The following EIF3H variants were observed in gnomAD, a reference collection of about 807,000 sequenced individuals.
The protein encoded by EIF3H is eIF-3-gamma.
Under a neutral mutation model 44.2 loss-of-function variants are expected in EIF3H, and 26 were observed. The ratio of observed to expected loss-of-function variants is 0.59; its 90% CI spans 0.43 to 0.82. The LOEUF (loss-of-function observed/expected upper bound fraction) is 0.82, where lower values mean the gene tolerates loss of function less well. Among genes scored for constraint, EIF3H ranks in the 40% least tolerant of loss-of-function variants. EIF3H has a pLI of 0.00. For missense variants in EIF3H, 359 were observed against 432.8 expected (o/e 0.83, Z 1.51); for synonymous variants, 166 against 151.9 (o/e 1.09, Z -0.68).
chr8:116,695,783 G>T (rs1220699271), intron 2 of EIF3H, among the ~76,000 whole-genome samples: 1 of 152,134 alleles, frequency 6.6e-6, no homozygotes, highest in Non-Finnish European at 1.5e-5. Context: ...ACAGGAAAAG[G>T]CTTGGGAGCA....
chr8:116,723,212 T>G (rs1814780916), intron 2 of EIF3H, among the ~76,000 whole-genome samples: 1 of 152,174 alleles, frequency 6.6e-6, no homozygotes, highest in Non-Finnish European at 1.5e-5. Flanking sequence ...CTTAAACCTC[T>G]CAAGCTCCTC....
chr8:116,646,512 G>A lies in EIF3H; in HGVS notation c.920C>T (p.Pro307Leu). ...PEEDLSKLFKPPQPPARMDSL... is the reference protein window; with the variant it reads ...PEEDLSKLFKLPQPPARMDSL... ...GTCCATCCTGGCAGGCGGCTGTGGT[G>A]GTTTGAAGAGTTTGGACAGGTCCTC... Residue 307 changes from proline to leucine, a missense_variant, in exon 7 of 8, where the codon CCA becomes CTA. Physicochemically the swap from Pro to Leu is moderately conservative, Grantham distance 98. Transcript: ENST00000521861. 6.2e-7 allele frequency: 1 copy of A among 1,614,170 alleles called. No individual in the cohort carries two copies. The highest frequency in any genetic ancestry group is 1.1e-5 in the South Asian group (1 of 91,076).
intron 1 of EIF3H, among the ~76,000 whole-genome samples, chr8:116,741,500 G>C (rs945076817): frequency 2.6e-5 from 4 of 152,124 alleles, no homozygotes; most frequent in Non-Finnish European, 5.9e-5. Flanking sequence ...CATCATTAAA[G>C]ACAAAGTACA....
chr8:116,642,916 C>G lies in EIF3H; in HGVS notation c.*2090G>C, dbSNP rs1013964918. The G allele has an allele frequency of 6.6e-6, 1 of 152,144 alleles. No individual in the cohort carries two copies. Among genetic ancestry groups the G allele is most frequent in the Admixed American group, 6.5e-5 (1 of 15,274 alleles). 9.4% of individuals were successfully genotyped at this position (152,144 alleles called of 1,614,324 possible). A position where few individuals can be genotyped will look rare whatever the true frequency, so the allele number is the denominator to read the frequency against. ...TTTCATTAAGTGTGTATTCATGTTACCAAGATATAGAAATCTAAACAATCA... is the reference window on the plus strand; with the variant it reads ...TTTCATTAAGTGTGTATTCATGTTAGCAAGATATAGAAATCTAAACAATCA... On this transcript the variant is annotated 3_prime_UTR_variant, in exon 8 of 8. Coordinates refer to ENST00000521861, the MANE Select transcript of EIF3H (RefSeq NM_003756.3).
At chr8:116,732,966 A>T (rs975296099) in intron 1 of EIF3H, among the ~76,000 whole-genome samples, 7 of 152,148 alleles carry the variant, frequency 4.6e-5, no homozygotes, top group African/African-American at 1.7e-4. Context: ...TCAGATTCCC[A>T]AAGTTAAGGA....
intron 1 of EIF3H, among the ~76,000 whole-genome samples, chr8:116,741,897 C>A (rs368791980): frequency 1.5e-4 from 23 of 152,074 alleles, no homozygotes; most frequent in African/African-American, 5.3e-4. Context: ...TAACACTGAA[C>A]AAAGATGGTA....
chr8:116,651,759 C>A (rs10096134), intron 5 of EIF3H, among the ~76,000 whole-genome samples: 135,213 of 152,258 alleles, frequency 0.89, 60,338 homozygotes, highest in African/African-American at 0.96. Context: ...AAATTCACTC[C>A]GACTTAAGTA....
intron 1 of EIF3H, 120 bp from the exon 2 acceptor site, chr8:116,726,292 G>A: frequency 9.4e-7 from 1 of 1,059,070 alleles, no homozygotes; most frequent in East Asian, 2.7e-5. Flanking sequence ...TAAATAAGAG[G>A]AATAAATAAA....
intron 2 of EIF3H, among the ~76,000 whole-genome samples, chr8:116,709,559 G>A (rs1013200371): frequency 6.6e-6 from 1 of 152,150 alleles, no homozygotes; most frequent in African/African-American, 2.4e-5. Context: ...CACTGACAAA[G>A]GTATACAGGT....
At chr8:116,651,380 G>A (rs950331500) in intron 5 of EIF3H, among the ~76,000 whole-genome samples, 1 of 152,156 alleles carries the variant, frequency 6.6e-6, no homozygotes, top group Non-Finnish European at 1.5e-5. Context: ...ACAGAGAAGG[G>A]AAAGACTGAG....
Position 116,660,636 on chromosome 8 carries a change from G to C in EIF3H, c.290-1656C>G, listed in dbSNP as rs148677386. Reference sequence around the variant, plus strand: ...TTAAGCCTACGGCAATGTTGCAACAGAGCTGGAAACTGCACTACTGTAAAG... The same window carrying C: ...TTAAGCCTACGGCAATGTTGCAACACAGCTGGAAACTGCACTACTGTAAAG... On this transcript the variant is annotated intron_variant, in intron 2 of 7. Transcript: ENST00000521861. Among the ~76,000 whole-genome samples, 921 of 152,268 alleles carry C rather than the reference G, an allele frequency of 6.0e-3. 6 individuals are homozygous for C. The highest frequency in any genetic ancestry group is 0.02 in the African/African-American group (847 of 41,544).
At chr8:116,743,799 A>ATATATATATATATATATATATAT in intron 1 of EIF3H, among the ~76,000 whole-genome samples, 1 of 87,064 alleles carries the variant, frequency 1.1e-5, no homozygotes, top group Non-Finnish European at 2.4e-5. Flanking sequence ...TATATATATA[A>ATATATATATATATATATATATAT]ACACACACAC....
intron 5 of EIF3H, among the ~76,000 whole-genome samples, chr8:116,653,737 AT>A (rs764468659): frequency 1.1e-4 from 17 of 152,326 alleles, no homozygotes; most frequent in Non-Finnish European, 1.8e-4. Flanking sequence ...TGTGATACAC[AT>A]TTTTAAAAAC....
chr8:116,717,410 A>G (rs1265054311), intron 2 of EIF3H, among the ~76,000 whole-genome samples: 1 of 152,182 alleles, frequency 6.6e-6, no homozygotes, highest in Non-Finnish European at 1.5e-5. Context: ...CCTAAAATTC[A>G]TATGGAACCA....
chr8:116,729,257 T>C (rs959967903), intron 1 of EIF3H, among the ~76,000 whole-genome samples: 2 of 152,078 alleles, frequency 1.3e-5, no homozygotes, highest in Non-Finnish European at 2.9e-5. Context: ...TTCCTACATA[T>C]GCAAAAGGGA....
intron 1 of EIF3H, among the ~76,000 whole-genome samples, chr8:116,762,180 A>G (rs558731817): frequency 2.6e-5 from 4 of 152,378 alleles, no homozygotes; most frequent in African/African-American, 9.6e-5. Flanking sequence ...ATTTGTTCAT[A>G]TAAAATTATC....
chr8:116,699,329 T>C (rs1274520618), intron 2 of EIF3H, among the ~76,000 whole-genome samples: 1 of 152,246 alleles, frequency 6.6e-6, no homozygotes, highest in Non-Finnish European at 1.5e-5. Flanking sequence ...CCAACAACTT[T>C]TGTCAAATTT....
At chr8:116,659,579 T>G (rs541617243) in intron 2 of EIF3H, among the ~76,000 whole-genome samples, 1 of 152,326 alleles carries the variant, frequency 6.6e-6, no homozygotes, top group Non-Finnish European at 1.5e-5. Flanking sequence ...GAATTATTTT[T>G]TCTTGTCTGT....
chr8:116,673,680 G>A (rs1813794076), intron 2 of EIF3H, among the ~76,000 whole-genome samples: 1 of 152,068 alleles, frequency 6.6e-6, no homozygotes, highest in South Asian at 2.1e-4. Flanking sequence ...CTCTAACTTC[G>A]AAGATTCATG....
Sources: allele counts gnomAD v4.1 joint callset (sites outside exome capture counted in the v4.1 genomes callset), GRCh38; gene constraint gnomAD v4.1.1; transcripts MANE v1.5; gene names NCBI Gene and HGNC (gene_info 2026-07-23, HGNC 2026-07-21).